The following BPNT1 variants were observed in gnomAD, a reference collection of about 807,000 sequenced individuals.
BPNT1 encodes the protein 3'(2'), 5'-bisphosphate nucleotidase 1, also known as 3'(2'),5'-bisphosphate nucleotidase 1.
BPNT1 carries 28 observed loss-of-function variants against 36.9 expected under a neutral mutation model. The ratio of observed to expected loss-of-function variants is 0.76; its 90% CI spans 0.56 to 1.04. The LOEUF is 1.04. BPNT1 is among the 50% of genes least tolerant of loss of function. The pLI, the probability that BPNT1 is intolerant of heterozygous loss-of-function variation, is 0.00. For missense variants in BPNT1, 313 were observed against 372.9 expected (o/e 0.84, Z 1.32); for synonymous variants, 119 against 130.9 (o/e 0.91, Z 0.62).
chr1:220,074,083 A>G lies in BPNT1; in HGVS notation c.121-12T>C. On this transcript the variant is annotated splice_polypyrimidine_tract_variant and intron_variant, in intron 2 of 8. Coordinates refer to ENST00000322067, the MANE Select transcript of BPNT1 (RefSeq NM_006085.6). ...TCTGTTGCACAGGTCTGTAATAAAG[A>G]ATGCAAATTTTAGCAGAGCTAATGA... The G allele has an allele frequency of 6.2e-7, 1 of 1,605,454 alleles. No homozygotes were observed. The highest frequency in any genetic ancestry group is 8.5e-7 in the Non-Finnish European group (1 of 1,177,104).
chr1:220,079,942 T>G (rs1664951633), intron 1 of BPNT1, 88 bp from the exon 2 acceptor site: 1 of 1,356,410 alleles, frequency 7.4e-7, no homozygotes, highest in African/African-American at 1.5e-5. Flanking sequence ...ACATATTAAT[T>G]GAGTGCTAAC....
chr1:220,073,208 T>C (rs1287576531), intron 3 of BPNT1, among the ~76,000 whole-genome samples: 1 of 152,220 alleles, frequency 6.6e-6, no homozygotes, highest in Non-Finnish European at 1.5e-5. Flanking sequence ...TTTTTAAGTA[T>C]TATACACTCA....
chr1:220,073,040 A>G, intron 3 of BPNT1, 83 bp from the exon 4 acceptor site: 1 of 1,102,936 alleles, frequency 9.1e-7, no homozygotes, highest in Non-Finnish European at 1.4e-6. Flanking sequence ...GAAGAAATGC[A>G]GCATCACAGT....
chr1:220,058,146 A>C lies in BPNT1; in HGVS notation c.*698T>G. The C allele has an allele frequency of 1.0e-6, 1 of 968,302 alleles. No homozygotes were observed. The highest frequency in any genetic ancestry group is 1.2e-6 in the Non-Finnish European group (1 of 800,590). 60.0% of individuals were successfully genotyped at this position (968,302 alleles called of 1,614,324 possible). On this transcript the variant is annotated 3_prime_UTR_variant, in exon 9 of 9. Coordinates refer to ENST00000322067, the MANE Select transcript of BPNT1 (RefSeq NM_006085.6). ...AGCCGAGATCACGCCACTACATTCT[A>C]GCCTAGGCTACAGAGCGAGACTCCG...
intron 1 of BPNT1, among the ~76,000 whole-genome samples, chr1:220,088,890 G>A (rs1048686930): frequency 7.5e-4 from 113 of 151,556 alleles, no homozygotes; most frequent in African/African-American, 2.7e-3. Context: ...ACGAGGTCAG[G>A]AGATCGAAAC....
At chr1:220,065,616 C>G (rs1469687767) in intron 6 of BPNT1, among the ~76,000 whole-genome samples, 2 of 152,084 alleles carry the variant, frequency 1.3e-5, no homozygotes, top group Non-Finnish European at 2.9e-5. Context: ...TGCCATTTAC[C>G]AGCTGGGTGA....
Position 220,058,242 on chromosome 1 carries a change from A to C in BPNT1, c.*602T>G. The C allele has an allele frequency of 6.1e-6, 6 of 990,082 alleles. No homozygotes were observed. The highest frequency in any genetic ancestry group is 7.2e-6 in the Non-Finnish European group (6 of 832,272). 61.3% of individuals were successfully genotyped at this position (990,082 alleles called of 1,614,324 possible). On this transcript the variant is annotated 3_prime_UTR_variant, in exon 9 of 9. Transcript: ENST00000322067. ...TCATTGAACATTGACCTGAACTGTC[A>C]ATTGGAACTAAAGCTTTTTCTCATT...
intron 1 of BPNT1, among the ~76,000 whole-genome samples, chr1:220,083,933 TATG>T (rs1279863978): frequency 3.3e-5 from 5 of 152,170 alleles, no homozygotes; most frequent in Non-Finnish European, 5.9e-5. Context: ...GTGTTTGTTT[TATG>T]ATATCATAAT....
In BPNT1 at chr1:220,087,851, GATT is replaced by G. The variant is rs1225408811; in HGVS notation, c.-9+1832_-9+1834del. On this transcript the variant is annotated intron_variant, in intron 1 of 8. Coordinates refer to ENST00000322067, the MANE Select transcript of BPNT1 (RefSeq NM_006085.6). ...AATGCAAACTAAAACAATGAGAAAT[GATT>G]ATTTTATTTTTAATTAATTAATTAA... Among the ~76,000 whole-genome samples the G allele has an allele frequency of 2.0e-5, 3 of 151,930 alleles. No homozygotes were observed. In the South Asian group the frequency reaches 6.2e-4, roughly 32 times the overall value.
intron 6 of BPNT1, chr1:220,066,187 T>C (rs1663516298): frequency 2.5e-6 from 3 of 1,178,948 alleles, no homozygotes; most frequent in East Asian, 5.2e-5. Flanking sequence ...CCTAAGCACT[T>C]AGATTTTTTC....
chr1:220,072,871 G>A lies in BPNT1; in HGVS notation c.312C>T (p.Tyr104=), dbSNP rs768824567. The A allele has an allele frequency of 1.2e-6, 2 of 1,613,840 alleles. No homozygotes were observed. Among genetic ancestry groups the A allele is most frequent in the Non-Finnish European group, 1.7e-6 (2 of 1,179,748 alleles). ...ATACATCTTCTTCTTTAATAGCACT[G>A]TACTGCGATGGGCATGGTTGCTTCA... ...EILKQPCPSQ[Y]SAIKEEDLVV... Residue 104 remains tyrosine, a synonymous_variant, in exon 4 of 9, where the codon TAC becomes TAT. Coordinates refer to ENST00000322067, the MANE Select transcript of BPNT1 (RefSeq NM_006085.6).
At chr1:220,083,487 T>G (rs1655413175) in intron 1 of BPNT1, among the ~76,000 whole-genome samples, 1 of 151,596 alleles carries the variant, frequency 6.6e-6, no homozygotes. Context: ...GCTAATTTTT[T>G]GTAGTTTTAG....
intron 2 of BPNT1, among the ~76,000 whole-genome samples, chr1:220,074,540 G>C (rs1664369848): frequency 6.6e-6 from 1 of 151,788 alleles, no homozygotes; most frequent in Admixed American, 6.6e-5. Flanking sequence ...TCTGTCACTG[G>C]GCTGGAGTAC....
intron 1 of BPNT1, among the ~76,000 whole-genome samples, chr1:220,087,297 C>G (rs912707703): frequency 2.0e-5 from 3 of 152,138 alleles, no homozygotes; most frequent in African/African-American, 4.8e-5. Flanking sequence ...GCGCGGTGGC[C>G]TGTAATCCCA....
intron 1 of BPNT1, among the ~76,000 whole-genome samples, chr1:220,084,175 A>T (rs1655492777): frequency 6.6e-6 from 1 of 151,998 alleles, no homozygotes; most frequent in African/African-American, 2.4e-5. Context: ...TACTAAAAAT[A>T]CAAAAAATTA....
chr1:220,079,848 G>C lies in BPNT1; in HGVS notation c.-2C>G, dbSNP rs780064077. 7.4e-6 allele frequency: 12 copies of C among 1,612,578 alleles called. No homozygotes were observed. Among genetic ancestry groups the C allele is most frequent in the Admixed American group, 6.7e-5 (4 of 59,634 alleles). On this transcript the variant is annotated 5_prime_UTR_variant, in exon 2 of 9. Coordinates refer to ENST00000322067, the MANE Select transcript of BPNT1 (RefSeq NM_006085.6). ...CAACACAGTGTTACTGGAAGCCATGGTACACTCTAAAAAGAGATCAAGAAA... is the reference window on the plus strand; with the variant it reads ...CAACACAGTGTTACTGGAAGCCATGCTACACTCTAAAAAGAGATCAAGAAA...
intron 6 of BPNT1, among the ~76,000 whole-genome samples, chr1:220,063,761 A>G (rs908290991): frequency 6.6e-6 from 1 of 152,230 alleles, no homozygotes; most frequent in South Asian, 2.1e-4. Flanking sequence ...AAGAGTAGCC[A>G]TGGATAATGG....
intron 6 of BPNT1, among the ~76,000 whole-genome samples, chr1:220,063,359 T>A (rs969195780): frequency 2.0e-5 from 3 of 152,062 alleles, no homozygotes; most frequent in African/African-American, 7.2e-5. Context: ...AAAAACATGA[T>A]AATGTTATAA....
rs758241087 is a variant in BPNT1 at position 220,058,882 on chromosome 1, G to A, written c.889C>T (p.Arg297Ter). 6.8e-6 allele frequency: 11 copies of A among 1,613,914 alleles called. No homozygotes were observed. The highest frequency in any genetic ancestry group is 2.2e-5 in the South Asian group (2 of 91,076). Residue 297 changes from arginine (R) to a stop codon, truncating the protein, a stop_gained, in exon 9 of 9, where the codon CGA becomes TGA. Transcript: ENST00000322067. LOFTEE classifies it high-confidence loss of function. ...TLRNYDYYAS[R>*]VPESIKNALV... ...GCATTTTTAATAGATTCTGGAACTC[G>A]GCTTGCATAGTAGTCATAATTCCTC...
Sources: gnomAD v4.1 joint callset for allele counts (sites outside exome capture counted in the v4.1 genomes callset) on GRCh38, gnomAD v4.1.1 for gene constraint, MANE v1.5 for transcripts, NCBI Gene and HGNC (gene_info 2026-07-23, HGNC 2026-07-21) for gene names.